OXR1: variants seen among roughly 807,000 people sequenced by gnomAD.
The protein encoded by OXR1 is oxidation resistance 1, also known as oxidation resistance protein 1.
OXR1 carries 41 observed loss-of-function variants against 104.6 expected under a neutral mutation model. The ratio of observed to expected loss-of-function variants is 0.39; its 90% CI spans 0.31 to 0.51. The LOEUF (loss-of-function observed/expected upper bound fraction) is 0.51, where lower values mean the gene tolerates loss of function less well. Among genes scored for constraint, OXR1 ranks in the 20% least tolerant of loss-of-function variants. OXR1 has a pLI of 0.77. For missense variants in OXR1, 955 were observed against 1,031.9 expected (o/e 0.93, Z 1.02); for synonymous variants, 348 against 348.4 (o/e 1.00, Z 0.01).
chr8:106,742,486 C>A, intron 15 of OXR1, 169 bp downstream of exon 15: 1 of 509,108 alleles, frequency 2.0e-6, no homozygotes, highest in Non-Finnish European at 3.5e-6. Context: ...GCCCAAATAG[C>A]CAAGAGAATG....
chr8:106,655,693 T>C (rs192878769), intron 3 of OXR1, among the ~76,000 whole-genome samples: 2 of 152,282 alleles, frequency 1.3e-5, no homozygotes, highest in East Asian at 1.9e-4. Flanking sequence ...AGGATAATGA[T>C]GACAGTTCAG....
chr8:106,426,377 A>G (rs1819120468), intron 2 of OXR1, among the ~76,000 whole-genome samples: 1 of 152,152 alleles, frequency 6.6e-6, no homozygotes, highest in Non-Finnish European at 1.5e-5. Context: ...AATTGATTGA[A>G]AGATCATAAC....
intron 2 of OXR1, among the ~76,000 whole-genome samples, chr8:106,502,783 C>G (rs915465413): frequency 3.9e-5 from 6 of 152,138 alleles, no homozygotes; most frequent in Non-Finnish European, 5.9e-5. Flanking sequence ...CACTCCTGTA[C>G]CTTTACCTGT....
chr8:106,322,037 C>A (rs1251427547), intron 1 of OXR1, among the ~76,000 whole-genome samples: 1 of 152,002 alleles, frequency 6.6e-6, no homozygotes, highest in African/African-American at 2.4e-5. Context: ...GGCTGATAAC[C>A]AATATGCCTG....
At chr8:106,732,619 TG>T (rs1288936519) in intron 11 of OXR1, among the ~76,000 whole-genome samples, 2 of 152,198 alleles carry the variant, frequency 1.3e-5, no homozygotes, top group Admixed American at 1.3e-4. Context: ...GTGCATTTTT[TG>T]TATCTGTTGA....
In OXR1 at chr8:106,628,057, A is replaced by T. The variant is rs118084265; in HGVS notation, c.221-51153A>T. On this transcript the variant is annotated intron_variant, in intron 3 of 16. Transcript: ENST00000517566. ...ACAGTATTTCTAAAACGTAAAATTC[A>T]TTGGTTCTCTCCTTTAAAAATCTTT... Among the ~76,000 whole-genome samples, 61 of 152,270 alleles carry T rather than the reference A, an allele frequency of 4.0e-4. No individual in the cohort carries two copies. The East Asian group carries it at 0.011, about 28-fold the overall frequency.
intron 2 of OXR1, among the ~76,000 whole-genome samples, chr8:106,408,297 A>T (rs548643284): frequency 6.6e-6 from 1 of 152,344 alleles, no homozygotes; most frequent in South Asian, 2.1e-4. Flanking sequence ...CATTAATTCA[A>T]AGGTGTGTTT....
intron 2 of OXR1, among the ~76,000 whole-genome samples, chr8:106,367,434 A>C (rs1041423544): frequency 3.9e-5 from 6 of 152,158 alleles, no homozygotes; most frequent in African/African-American, 1.4e-4. Context: ...TTATGAATGA[A>C]TAATTTTAAA....
intron 2 of OXR1, among the ~76,000 whole-genome samples, chr8:106,494,199 C>G (rs536925088): frequency 3.9e-5 from 6 of 152,264 alleles, no homozygotes; most frequent in East Asian, 3.9e-4. Context: ...CTACCTGCCC[C>G]CTTCTACAGG....
At chr8:106,639,111 T>C (rs1823416066) in intron 3 of OXR1, among the ~76,000 whole-genome samples, 1 of 152,192 alleles carries the variant, frequency 6.6e-6, no homozygotes, top group South Asian at 2.1e-4. Context: ...ACTTTCCTTA[T>C]AGAGTTAAAC....
chr8:106,281,570 A>G (rs1228627358), intron 1 of OXR1, among the ~76,000 whole-genome samples: 1 of 152,180 alleles, frequency 6.6e-6, no homozygotes, highest in African/African-American at 2.4e-5. Context: ...TGGGAGGCCA[A>G]AGTGGGTGGA....
chr8:106,367,105 C>T (rs1379684679), intron 2 of OXR1, among the ~76,000 whole-genome samples: 1 of 148,474 alleles, frequency 6.7e-6, no homozygotes, highest in South Asian at 2.1e-4. Context: ...CCCTGTTACC[C>T]AAGCTGGGGT....
intron 3 of OXR1, among the ~76,000 whole-genome samples, chr8:106,591,419 A>G (rs981298642): frequency 6.9e-6 from 1 of 144,962 alleles, no homozygotes; most frequent in African/African-American, 2.7e-5. Flanking sequence ...CGTTGTGCAC[A>G]TGTACCCTAA....
intron 14 of OXR1, among the ~76,000 whole-genome samples, chr8:106,741,220 A>G (rs1228694541): frequency 2.0e-5 from 3 of 152,188 alleles, no homozygotes; most frequent in African/African-American, 7.2e-5. Flanking sequence ...GCTACATGCC[A>G]TGGCATAAAT....
At chr8:106,339,075 T>G (rs1335047956) in intron 1 of OXR1, among the ~76,000 whole-genome samples, 1 of 152,190 alleles carries the variant, frequency 6.6e-6, no homozygotes, top group Non-Finnish European at 1.5e-5. Context: ...TTTGCATTTT[T>G]CATTTCATGT....
intron 2 of OXR1, among the ~76,000 whole-genome samples, chr8:106,452,646 T>TTG (rs1820380814): frequency 6.6e-6 from 1 of 152,120 alleles, no homozygotes; most frequent in African/African-American, 2.4e-5. Flanking sequence ...TGGTCACCAA[T>TTG]TTACTGTTCC....
At chr8:106,374,633 C>A (rs977451248) in intron 2 of OXR1, among the ~76,000 whole-genome samples, 1 of 152,142 alleles carries the variant, frequency 6.6e-6, no homozygotes, top group African/African-American at 2.4e-5. Context: ...TTCAAGTGAA[C>A]ATTTTCCTTT....
intron 3 of OXR1, among the ~76,000 whole-genome samples, chr8:106,566,401 A>T (rs1217866196): frequency 6.6e-6 from 1 of 152,236 alleles, no homozygotes; most frequent in African/African-American, 2.4e-5. Flanking sequence ...AAAGAAATGC[A>T]AATCAAAACC....
chr8:106,666,786 A>G (rs552335295), intron 3 of OXR1, among the ~76,000 whole-genome samples: 4 of 152,300 alleles, frequency 2.6e-5, no homozygotes, highest in Admixed American at 6.5e-5. Flanking sequence ...TCAGATATCC[A>G]GGATCGGGGT....
Sources: allele counts gnomAD v4.1 joint callset (sites outside exome capture counted in the v4.1 genomes callset), GRCh38; gene constraint gnomAD v4.1.1; transcripts MANE v1.5; gene names NCBI Gene and HGNC (gene_info 2026-07-23, HGNC 2026-07-21).